The following NUCB1 variants were observed in gnomAD, a reference collection of about 807,000 sequenced individuals.
The protein encoded by NUCB1 is nucleobindin-1.
In NUCB1, 47 loss-of-function variants were observed where a neutral mutation model predicts 61.2. The ratio of observed to expected loss-of-function variants is 0.77; its 90% CI spans 0.61 to 0.98. The LOEUF (loss-of-function observed/expected upper bound fraction) is 0.98. NUCB1 is among the 50% of genes least tolerant of loss of function. The pLI, the probability that NUCB1 is intolerant of heterozygous loss-of-function variation, is 0.00. For synonymous variants in NUCB1, 234 were observed against 243.1 expected (o/e 0.96, Z 0.35); for missense variants, 583 against 605.3 (o/e 0.96, Z 0.39).
At chr19:48,912,185 A>T (rs2037481733) in intron 5 of NUCB1, among the ~76,000 whole-genome samples, 1 of 151,652 alleles carries the variant, frequency 6.6e-6, no homozygotes, top group African/African-American at 2.4e-5. Context: ...CCACCGCACC[A>T]GGCTAATTTT....
chr19:48,906,464 C>T (rs974742962), intron 4 of NUCB1, among the ~76,000 whole-genome samples: 10 of 151,724 alleles, frequency 6.6e-5, no homozygotes, highest in African/African-American at 1.2e-4. Flanking sequence ...CAGTGGCTCA[C>T]GCCTGCAATT....
intron 2 of NUCB1, among the ~76,000 whole-genome samples, chr19:48,903,890 GTGGATGGATGGA>G (rs1477786744): frequency 2.5e-5 from 3 of 121,908 alleles, no homozygotes; most frequent in African/African-American, 6.3e-5. Flanking sequence ...GGATGGGTGG[GTGGATGGATGGA>G]TGGGTGGATG....
At chr19:48,921,979 G>A (rs1483694673) in intron 12 of NUCB1, 47 bp downstream of exon 12, 1 of 1,454,734 alleles carries the variant, frequency 6.9e-7, no homozygotes, top group African/African-American at 1.4e-5. Flanking sequence ...CTGGACCCCT[G>A]GGTCTGAGGT....
intron 5 of NUCB1, among the ~76,000 whole-genome samples, chr19:48,912,761 G>C (rs1198044787): frequency 6.7e-6 from 1 of 149,846 alleles, no homozygotes; most frequent in African/African-American, 2.5e-5. Context: ...ACTTGAACCC[G>C]GAAGACAGAG....
chr19:48,915,186 C>T (rs2037525362), intron 7 of NUCB1, among the ~76,000 whole-genome samples: 2 of 151,298 alleles, frequency 1.3e-5, no homozygotes, highest in Admixed American at 6.6e-5. Flanking sequence ...TCAGAATCAA[C>T]GAAGGTTCTA....
At chr19:48,910,512 C>T (rs540008959) in intron 4 of NUCB1, among the ~76,000 whole-genome samples, 20 of 151,732 alleles carry the variant, frequency 1.3e-4, no homozygotes, top group African/African-American at 4.8e-4. Flanking sequence ...ATGGTGAAAC[C>T]CTGTTTCTGT....
At chr19:48,914,217 C>CCA (rs2037513785) in intron 7 of NUCB1, among the ~76,000 whole-genome samples, 1 of 152,052 alleles carries the variant, frequency 6.6e-6, no homozygotes, top group South Asian at 2.1e-4. Flanking sequence ...CTCGTGTGAT[C>CCA]TGCCCCCTCA....
At chr19:48,909,097 C>CT (rs2037444955) in intron 4 of NUCB1, among the ~76,000 whole-genome samples, 1 of 151,972 alleles carries the variant, frequency 6.6e-6, no homozygotes, top group South Asian at 2.1e-4. Context: ...TTGGTTCCTT[C>CT]TGGGGCTATG....
At position 48,908,721 on chromosome 19, in the gene NUCB1, GGTGTGTGTGTGT is replaced by G. The variant is rs57686025; in HGVS notation, c.377-2397_377-2386del. 3.3e-3 allele frequency among the ~76,000 whole-genome samples: 366 copies of G among 109,354 alleles called. 3 individuals are homozygous for G. The highest frequency in any genetic ancestry group is 0.011 in the African/African-American group (315 of 27,456). The allele number at this position is 109,354 out of a possible 152,430, so 71.7% of individuals were successfully genotyped here. ...TGTCTTTCTGCCCACTTGACCAAGG[GGTGTGTGTGTGT>G]GTGTGTGTGTGTGTGTGTGTGTGTG... On this transcript the variant is annotated intron_variant, in intron 4 of 12. Coordinates refer to ENST00000405315, the MANE Select transcript of NUCB1 (RefSeq NM_006184.6).
intron 7 of NUCB1, among the ~76,000 whole-genome samples, chr19:48,918,073 C>T (rs1316833080): frequency 5.3e-5 from 8 of 152,060 alleles, no homozygotes; most frequent in Non-Finnish European, 1.2e-4. Context: ...GCCACACTAG[C>T]ATGTGGAGGT....
In NUCB1 at chr19:48,922,372, A is replaced by G. The variant is rs543662809; in HGVS notation, c.1334A>G (p.Glu445Gly). ...AGDQKEVDTS[E>G]KKLLERLPEV... Reference sequence around the variant, plus strand: ...GACCAGAAGGAGGTGGACACTTCAGAAAAGAAACTTCTCGAGCGGCTCCCT... The same window carrying G: ...GACCAGAAGGAGGTGGACACTTCAGGAAAGAAACTTCTCGAGCGGCTCCCT... The change falls in exon 13 of 13, where the codon GAA becomes GGA. Residue 445 changes from glutamate (E) to glycine (G), a missense_variant. Transcript: ENST00000405315. 6.2e-7 allele frequency: 1 copy of G among 1,613,866 alleles called. No individual in the cohort carries two copies. Among genetic ancestry groups the G allele is most frequent in the Non-Finnish European group, 8.5e-7 (1 of 1,179,828 alleles).
intron 7 of NUCB1, among the ~76,000 whole-genome samples, chr19:48,916,297 T>C (rs577190982): frequency 6.6e-6 from 1 of 152,168 alleles, no homozygotes; most frequent in Non-Finnish European, 1.5e-5. Context: ...TAGTGGCTGC[T>C]GTACTGGAGT....
intron 7 of NUCB1, 112 bp downstream of exon 7, chr19:48,913,676 G>T: frequency 1.2e-6 from 1 of 837,554 alleles, no homozygotes; most frequent in Non-Finnish European, 2.0e-6. Flanking sequence ...TCAGGCCCAA[G>T]AGCCAAGCCT....
intron 5 of NUCB1, among the ~76,000 whole-genome samples, chr19:48,911,470 A>G (rs1437942720): frequency 6.6e-6 from 1 of 150,642 alleles, no homozygotes; most frequent in Non-Finnish European, 1.5e-5. Context: ...CAATGGCACA[A>G]TCTCGGCTCA....
chr19:48,918,680 C>A (rs753474505), intron 7 of NUCB1, 46 bp from the exon 8 acceptor site: 2 of 1,527,158 alleles, frequency 1.3e-6, no homozygotes, highest in South Asian at 1.1e-5. Context: ...CCTTACACAT[C>A]CCGTCCTCGG....
At chr19:48,922,039 GC>G in intron 12 of NUCB1, 107 bp downstream of exon 12, 1 of 902,618 alleles carries the variant, frequency 1.1e-6, no homozygotes, top group Non-Finnish European at 1.7e-6. Context: ...GGGACTGGGG[GC>G]CCAGACTCCC....
chr19:48,900,604 C>G (rs907987483), intron 1 of NUCB1, 182 bp from the exon 2 acceptor site: 11 of 763,016 alleles, frequency 1.4e-5, no homozygotes, highest in Non-Finnish European at 2.1e-5. Context: ...TCTGAGGGCC[C>G]AGACTCCTGT....
intron 1 of NUCB1, 114 bp downstream of exon 1, chr19:48,900,486 A>G (rs1046612153): frequency 7.0e-6 from 3 of 428,234 alleles, no homozygotes; most frequent in Non-Finnish European, 1.3e-5. Flanking sequence ...AGGTCCTGGG[A>G]AAAGAGGAGG....
rs2037629599 is a variant in NUCB1, at chr19:48,923,036, ATC to A, written c.*615_*616del. ...CTCCCTGAACCCCTGGCTTCCAGCCATCTCATCGCCAGCCTCCTCCTGGACCT... is the reference window on the plus strand; with the variant it reads ...CTCCCTGAACCCCTGGCTTCCAGCCATCATCGCCAGCCTCCTCCTGGACCT... On this transcript the variant is annotated 3_prime_UTR_variant, in exon 13 of 13. Transcript: ENST00000405315. The A allele has an allele frequency of 6.5e-6, 1 of 153,380 alleles. No homozygotes were observed. 9.5% of individuals were successfully genotyped at this position (153,380 alleles called of 1,614,324 possible). A position where few individuals can be genotyped will look rare whatever the true frequency, so the allele number is the denominator to read the frequency against.
Sources: allele counts gnomAD v4.1 joint callset (sites outside exome capture counted in the v4.1 genomes callset), GRCh38; gene constraint gnomAD v4.1.1; transcripts MANE v1.5; gene names NCBI Gene and HGNC (gene_info 2026-07-23, HGNC 2026-07-21).